The following ZNF124 variants were observed in gnomAD, a reference collection of about 807,000 sequenced individuals.
ZNF124 encodes the protein zinc finger protein 124.
In ZNF124, 25 loss-of-function variants were observed where a neutral mutation model predicts 26.6. The observed-to-expected ratio is 0.94, with a 90% confidence interval of 0.68 to 1.31. The LOEUF (loss-of-function observed/expected upper bound fraction) is 1.31. Among genes scored for constraint, ZNF124 ranks in the 40% most tolerant of loss-of-function variants. The probability of loss-of-function intolerance (pLI) is 0.00; values close to 1 mark genes in which losing one functional copy is unlikely to be tolerated. For missense variants in ZNF124, 444 were observed against 422.2 expected (o/e 1.05, Z -0.45); for synonymous variants, 129 against 133.3 (o/e 0.97, Z 0.22).
intron 3 of ZNF124, among the ~76,000 whole-genome samples, chr1:247,133,239 GAAAA>G (rs373728941): frequency 6.7e-6 from 1 of 149,688 alleles, no homozygotes; most frequent in Non-Finnish European, 1.5e-5. Flanking sequence ...CAAGAAGAGA[GAAAA>G]AAAAATGAAA....
intron 3 of ZNF124, chr1:247,149,839 C>A (rs140296974): frequency 6.6e-6 from 1 of 152,240 alleles, no homozygotes; most frequent in African/African-American, 2.4e-5. Flanking sequence ...TTATACATGA[C>A]ATAAACTCAA....
intron 1 of ZNF124, 180 bp from the exon 2 acceptor site, chr1:247,159,993 T>G: frequency 1.4e-6 from 1 of 716,576 alleles, no homozygotes; most frequent in Non-Finnish European, 2.0e-6. Context: ...TTTTTTTTTT[T>G]TTTTTTTTTT....
At chr1:247,138,633 A>G (rs1672547858) in intron 3 of ZNF124, 1 of 397,812 alleles carries the variant, frequency 2.5e-6, no homozygotes, top group Non-Finnish European at 4.4e-6. Context: ...TTTAAAATGA[A>G]CAATTCTCCG....
rs1673088707 is a variant in ZNF124 at position 247,155,684 on chromosome 1, A to ACC, written c.*880_*881dup. 6.6e-6 allele frequency among the ~76,000 whole-genome samples: 1 copy of ACC among 151,870 alleles called. No homozygotes were observed. On this transcript the variant is annotated 3_prime_UTR_variant, in exon 4 of 4. Coordinates refer to ENST00000543802, the MANE Select transcript of ZNF124 (RefSeq NM_001297568.2). Reference sequence around the variant, plus strand: ...AGACCATCCTGGCTAACACGGTGAAACCCCATCTCTACTAAAAATACAAAA... The same window carrying ACC: ...AGACCATCCTGGCTAACACGGTGAAACCCCCCATCTCTACTAAAAATACAAAA...
At chr1:247,140,783 C>T (rs1271751093) in intron 3 of ZNF124, among the ~76,000 whole-genome samples, 3 of 152,122 alleles carry the variant, frequency 2.0e-5, no homozygotes, top group Non-Finnish European at 4.4e-5. Context: ...GTAGGTGGTG[C>T]TTAGGCATAC....
chr1:247,158,600 T>A (rs1183402558), intron 3 of ZNF124, among the ~76,000 whole-genome samples: 3 of 152,126 alleles, frequency 2.0e-5, no homozygotes, highest in Non-Finnish European at 4.4e-5. Context: ...GAGAATAAAT[T>A]GATGTTGTCT....
chr1:247,145,389 T>C (rs7521596), intron 3 of ZNF124, among the ~76,000 whole-genome samples: 52,458 of 151,926 alleles, frequency 0.35, 10,675 homozygotes, highest in African/African-American at 0.56. Context: ...AGTTTTTATG[T>C]TGATGGTGTG....
chr1:247,163,115 C>G (rs1348917807), intron 1 of ZNF124, among the ~76,000 whole-genome samples: 1 of 151,786 alleles, frequency 6.6e-6, no homozygotes, highest in Non-Finnish European at 1.5e-5. Context: ...CTAATAAGAA[C>G]AAACATACAA....
intron 1 of ZNF124, 96 bp from the exon 2 acceptor site, chr1:247,159,909 A>G: frequency 6.8e-7 from 1 of 1,460,202 alleles, no homozygotes; most frequent in African/African-American, 1.4e-5. Flanking sequence ...TCTGTGGCGA[A>G]CATTTATTCT....
rs769471410 is a variant in ZNF124, at chr1:247,156,767, AAT to A, written c.853_854del (p.Ile285CysfsTer8). On this transcript the variant is annotated frameshift_variant, in exon 4 of 4. Coordinates refer to ENST00000543802, the MANE Select transcript of ZNF124 (RefSeq NM_001297568.2). LOFTEE classifies it high-confidence loss of function. ...TGTTACATACATAGGGTTTCTGTGCAATATGAGTTTTCTCGTGTTTCTGAAGG... is the reference window on the plus strand; with the variant it reads ...TGTTACATACATAGGGTTTCTGTGCAATGAGTTTTCTCGTGTTTCTGAAGG... ...SSLQKHEKTH[I>X]AQKPYVCNNC... 3.9e-5 allele frequency: 63 copies of A among 1,613,238 alleles called. No individual in the cohort carries two copies. Among genetic ancestry groups the A allele is most frequent in the Non-Finnish European group, 4.4e-5 (52 of 1,179,768 alleles).
chr1:247,163,501 T>G (rs1673610748), intron 1 of ZNF124, among the ~76,000 whole-genome samples: 1 of 149,786 alleles, frequency 6.7e-6, no homozygotes, highest in Non-Finnish European at 1.5e-5. Context: ...CAGAGGCTAT[T>G]ATTACAAACA....
intron 3 of ZNF124, among the ~76,000 whole-genome samples, chr1:247,146,720 G>A (rs1672789466): frequency 6.6e-6 from 1 of 152,194 alleles, no homozygotes; most frequent in Admixed American, 6.5e-5. Context: ...TCTTGTTATT[G>A]AGAAAACAGT....
chr1:247,123,884 G>C (rs1370635154), intron 3 of ZNF124: 1 of 702,122 alleles, frequency 1.4e-6, no homozygotes, highest in Non-Finnish European at 2.6e-6. Context: ...GCAAGAAAAG[G>C]CATGATACTG....
At chr1:247,139,390 C>T (rs1447032776) in intron 3 of ZNF124, among the ~76,000 whole-genome samples, 1 of 152,208 alleles carries the variant, frequency 6.6e-6, no homozygotes, top group African/African-American at 2.4e-5. Flanking sequence ...TTATTTTGAT[C>T]CTAGGTCACT....
intron 3 of ZNF124, among the ~76,000 whole-genome samples, chr1:247,149,273 TAA>T (rs1184856934): frequency 6.6e-6 from 1 of 152,228 alleles, no homozygotes; most frequent in African/African-American, 2.4e-5. Flanking sequence ...ACAGCCATTA[TAA>T]AAAACCGTAA....
chr1:247,161,792 T>A (rs979010122), intron 1 of ZNF124, among the ~76,000 whole-genome samples: 11 of 152,108 alleles, frequency 7.2e-5, no homozygotes, highest in African/African-American at 2.2e-4. Context: ...CCACATTCTT[T>A]AGAAGAACAA....
intron 3 of ZNF124, among the ~76,000 whole-genome samples, chr1:247,124,671 C>T (rs1259476068): frequency 6.6e-6 from 1 of 152,156 alleles, no homozygotes; most frequent in East Asian, 1.9e-4. Context: ...CTCTATTTGC[C>T]AATTCTGGAC....
intron 3 of ZNF124, among the ~76,000 whole-genome samples, chr1:247,128,098 T>C (rs12403156): frequency 0.1 from 15,049 of 147,000 alleles, 938 homozygotes; most frequent in Admixed American, 0.16. Context: ...AACTTCCCCT[T>C]TCCAATTTAC....
chr1:247,126,201 G>C (rs1030524503), intron 3 of ZNF124, among the ~76,000 whole-genome samples: 2 of 148,380 alleles, frequency 1.3e-5, no homozygotes, highest in African/African-American at 5.0e-5. Flanking sequence ...GTATATAAAT[G>C]AATGTCCCCT....
Sources: allele counts gnomAD v4.1 joint callset (sites outside exome capture counted in the v4.1 genomes callset), GRCh38; gene constraint gnomAD v4.1.1; transcripts MANE v1.5; gene names NCBI Gene and HGNC (gene_info 2026-07-23, HGNC 2026-07-21).